Variants in ABHD2 observed in about 807,000 individuals in gnomAD.
The protein encoded by ABHD2 is monoacylglycerol lipase ABHD2.
Under a neutral mutation model 48.1 loss-of-function variants are expected in ABHD2, and 20 were observed. The observed-to-expected ratio is 0.42, with a 90% CI of 0.29 to 0.60. The LOEUF (loss-of-function observed/expected upper bound fraction) is 0.60. ABHD2 is among the 20% of genes least tolerant of loss of function. ABHD2 has a pLI of 0.24. For synonymous variants in ABHD2, 209 were observed against 214.2 expected (o/e 0.98, Z 0.21); for missense variants, 405 against 550.9 (o/e 0.74, Z 2.65).
chr15:89,134,555 G>A (rs910518308), intron 3 of ABHD2, among the ~76,000 whole-genome samples: 3 of 152,168 alleles, frequency 2.0e-5, no homozygotes, highest in Non-Finnish European at 4.4e-5. Flanking sequence ...GCAGTGGGGC[G>A]ATGCTCATAC....
In ABHD2 at chr15:89,096,726, A is replaced by G. The variant is rs187839318; in HGVS notation, c.-107+8163A>G. On this transcript the variant is annotated intron_variant, in intron 1 of 10. Transcript: ENST00000352732. ...TGGAGAACTTGAGAAACACTCCCAA[A>G]GAGAGTGACAAAAGTTACTTATGGG... 1.4e-4 allele frequency among the ~76,000 whole-genome samples: 22 copies of G among 152,372 alleles called. 1 individual carries two copies. The East Asian group carries it at 4.2e-3, about 29-fold the overall frequency.
At position 89,097,343 on chromosome 15, in the gene ABHD2, C is replaced by G. The variant is rs1238552552; in HGVS notation, c.-107+8780C>G. Among the ~76,000 whole-genome samples the G allele has an allele frequency of 6.6e-6, 1 of 152,178 alleles. No individual in the cohort carries two copies. The highest frequency in any genetic ancestry group is 1.5e-5 in the Non-Finnish European group (1 of 68,036). On this transcript the variant is annotated intron_variant, in intron 1 of 10. Coordinates refer to ENST00000352732, the MANE Select transcript of ABHD2 (RefSeq NM_152924.5). The surrounding 1 kb of genome is among the most constrained non-coding windows in gnomAD (Gnocchi z 4.2). Reference sequence around the variant, plus strand: ...TGATAATTCTTAAATATAAAGACTCCTTTGTTAAACACCCATTATTACTCT... The same window carrying G: ...TGATAATTCTTAAATATAAAGACTCGTTTGTTAAACACCCATTATTACTCT...
chr15:89,075,842 G>A, the ABHD2 span, among the ~76,000 whole-genome samples: 1 of 152,170 alleles, frequency 6.6e-6, no homozygotes, highest in African/African-American at 2.4e-5. This position sits in a 1 kb window ranked among gnomAD's most constrained non-coding sequence, Gnocchi z 4.1. Flanking sequence ...CTGTGAAATG[G>A]ACAAAGGAAA....
rs80146518 is a variant in ABHD2, at chr15:89,143,852, A to G, written c.195-7825A>G. Among the ~76,000 whole-genome samples the G allele has an allele frequency of 4.4e-3, 665 of 152,250 alleles. 6 individuals carry two copies. The highest frequency in any genetic ancestry group is 0.015 in the African/African-American group (631 of 41,542). ...CCACTTCACACCCACTAGGATAGCT[A>G]TAGTAATTTCTTTTCAATGGACAAC... is the stretch of plus-strand genomic sequence containing the variant. On this transcript the variant is annotated intron_variant, in intron 3 of 10. Coordinates refer to ENST00000352732, the MANE Select transcript of ABHD2 (RefSeq NM_152924.5).
chr15:89,129,646 A>G (rs1189707942), intron 3 of ABHD2, among the ~76,000 whole-genome samples: 2 of 152,176 alleles, frequency 1.3e-5, no homozygotes, highest in Non-Finnish European at 2.9e-5. Flanking sequence ...CCGGGAATCC[A>G]GAGTCCAGAT....
intron 10 of ABHD2, among the ~76,000 whole-genome samples, chr15:89,194,308 G>T (rs917197942): frequency 6.6e-6 from 1 of 151,932 alleles, no homozygotes; most frequent in African/African-American, 2.4e-5. Flanking sequence ...AGATCAGCCT[G>T]GCCAACATGG....
chr15:89,178,607 G>A (rs989235675), intron 6 of ABHD2, among the ~76,000 whole-genome samples: 8 of 152,176 alleles, frequency 5.3e-5, no homozygotes, highest in Non-Finnish European at 7.4e-5. Flanking sequence ...CCAGCCACCC[G>A]CTTGCTGTAG....
rs565595001 is a variant in ABHD2 at position 89,191,132 on chromosome 15, A to G, written c.979A>G (p.Met327Val). 5.6e-5 allele frequency: 90 copies of G among 1,614,088 alleles called. No homozygotes were observed. The highest frequency in any genetic ancestry group is 4.9e-4 in the Middle Eastern group (3 of 6,062). Residue 327 changes from methionine (M) to valine (V), a missense_variant, in exon 9 of 11, where the codon ATG (methionine) becomes GTG (valine). Physicochemically the swap from Met to Val is conservative, Grantham distance 21. Coordinates refer to ENST00000352732, the MANE Select transcript of ABHD2 (RefSeq NM_152924.5). ...GGAATACTATGAGGAAGAAAGTTGC[A>G]TGCGGTACCTGCACAGGGTGAGTGG... The part of the protein sequence containing the change: ...LKEYYEEESC[M>V]RYLHRIYVPL...
At chr15:89,041,968 C>T in the ABHD2 span, among the ~76,000 whole-genome samples, 3 of 152,144 alleles carry the variant, frequency 2.0e-5, no homozygotes. Flanking sequence ...AGAGGTCACC[C>T]GGGTGTTTGG....
intron 5 of ABHD2, among the ~76,000 whole-genome samples, chr15:89,159,188 C>CGA (rs1189647348): frequency 6.6e-6 from 1 of 151,846 alleles, no homozygotes; most frequent in East Asian, 1.9e-4. Flanking sequence ...AGCAGCCTGG[C>CGA]CAACATGGTG....
At chr15:89,127,346 C>A (rs1470255303) in intron 3 of ABHD2, among the ~76,000 whole-genome samples, 1 of 152,090 alleles carries the variant, frequency 6.6e-6, no homozygotes, top group Non-Finnish European at 1.5e-5. Context: ...CATTTGGGAA[C>A]CCTGCCTGGA....
chr15:89,057,537 A>G, the ABHD2 span, among the ~76,000 whole-genome samples: 2 of 152,234 alleles, frequency 1.3e-5, no homozygotes, highest in South Asian at 2.1e-4. Flanking sequence ...TGAAAATGCT[A>G]TTTTTGGTAA....
the ABHD2 span, among the ~76,000 whole-genome samples, chr15:89,081,149 G>T: frequency 1.4e-5 from 2 of 146,374 alleles, no homozygotes; most frequent in African/African-American, 2.5e-5. Context: ...ACAGGAGCAC[G>T]CCACCATGCC....
chr15:89,128,541 C>T (rs2050171207), intron 3 of ABHD2, among the ~76,000 whole-genome samples: 1 of 152,216 alleles, frequency 6.6e-6, no homozygotes. Flanking sequence ...CTTCATTTGG[C>T]TAGACTTTGA....
the ABHD2 span, among the ~76,000 whole-genome samples, chr15:89,047,843 CTT>C: frequency 6.8e-6 from 1 of 146,496 alleles, no homozygotes; most frequent in Non-Finnish European, 1.5e-5. Context: ...GGTCTTGACT[CTT>C]TATCCAATTT....
chr15:89,172,308 C>T (rs8028119), intron 5 of ABHD2, among the ~76,000 whole-genome samples: 17,003 of 152,190 alleles, frequency 0.11, 1,091 homozygotes, highest in South Asian at 0.18. Flanking sequence ...CTGGCAACCA[C>T]CATTCTATTT....
At chr15:89,162,215 C>T (rs2050773364) in intron 5 of ABHD2, among the ~76,000 whole-genome samples, 1 of 152,154 alleles carries the variant, frequency 6.6e-6, no homozygotes, top group South Asian at 2.1e-4. Context: ...ACAATGGCAT[C>T]ATCACAACGG....
At chr15:89,047,646 A>C in the ABHD2 span, among the ~76,000 whole-genome samples, 1 of 151,170 alleles carries the variant, frequency 6.6e-6, no homozygotes, top group Non-Finnish European at 1.5e-5. Context: ...CTTTACCATT[A>C]TGTAATGGCC....
At position 89,138,937 on chromosome 15, in the gene ABHD2, C is replaced by T. The variant is rs1021341734; in HGVS notation, c.195-12740C>T. Among the ~76,000 whole-genome samples, 5 of 151,742 alleles carry T rather than the reference C, an allele frequency of 3.3e-5. No homozygotes were observed. In the East Asian group the frequency reaches 5.8e-4, roughly 18 times the overall value. Reference sequence around the variant, plus strand: ...AATTGTGAAGATTAAGCTAGAAGGCCGGGCAGGATGGCTCACTTCTATAAT... The same window carrying T: ...AATTGTGAAGATTAAGCTAGAAGGCTGGGCAGGATGGCTCACTTCTATAAT... On this transcript the variant is annotated intron_variant, in intron 3 of 10. Coordinates refer to ENST00000352732, the MANE Select transcript of ABHD2 (RefSeq NM_152924.5).
Sources: gnomAD v4.1 joint callset for allele counts (sites outside exome capture counted in the v4.1 genomes callset) on GRCh38, gnomAD v4.1.1 for gene constraint, Gnocchi (gnomAD v3.1) non-coding constraint, MANE v1.5 for transcripts, NCBI Gene and HGNC (gene_info 2026-07-23, HGNC 2026-07-21) for gene names.